The following MRPS28 variants were observed in gnomAD, a reference collection of about 807,000 sequenced individuals.
MRPS28 encodes the protein small ribosomal subunit protein bS1m.
MRPS28 carries 7 observed loss-of-function variants against 10.8 expected under a neutral mutation model. The ratio of observed to expected loss-of-function variants is 0.65; its 90% confidence interval spans 0.37 to 1.22. MRPS28 has a LOEUF of 1.22. Among genes scored for constraint, MRPS28 ranks in the 50% most tolerant of loss-of-function variants. The pLI, the probability that MRPS28 is intolerant of heterozygous loss-of-function variation, is 0.02. For missense variants in MRPS28, 265 were observed against 232.9 expected, an observed-to-expected ratio of 1.14 and a Z score of -0.90; for synonymous variants, 121 against 93.3, an observed-to-expected ratio of 1.30 and a Z score of -1.71.
chr8:79,977,910 T>C (rs1344178467), intron 2 of MRPS28, among the ~76,000 whole-genome samples: 1 of 152,054 alleles, frequency 6.6e-6, no homozygotes, highest in Non-Finnish European at 1.5e-5. Context: ...CCATATTTTA[T>C]ATTTATGATA....
intron 1 of MRPS28, among the ~76,000 whole-genome samples, chr8:80,013,442 C>G (rs1488376676): frequency 6.6e-6 from 1 of 151,780 alleles, no homozygotes; most frequent in Non-Finnish European, 1.5e-5. Flanking sequence ...CGAGAACAGC[C>G]TGACCAACAT....
intron 2 of MRPS28, among the ~76,000 whole-genome samples, chr8:79,952,259 T>C (rs893541706): frequency 6.6e-6 from 1 of 152,184 alleles, no homozygotes; most frequent in Non-Finnish European, 1.5e-5. Context: ...TTTGTTCATA[T>C]CGATTGAGAA....
chr8:79,980,813 A>T (rs1263602503), intron 2 of MRPS28, among the ~76,000 whole-genome samples: 1 of 152,254 alleles, frequency 6.6e-6, no homozygotes, highest in Admixed American at 6.5e-5. Context: ...TCTTAAAGTG[A>T]CTTAAGATTC....
chr8:80,017,879 T>G (rs1586099957), intron 1 of MRPS28, among the ~76,000 whole-genome samples: 1 of 152,194 alleles, frequency 6.6e-6, no homozygotes, highest in Non-Finnish European at 1.5e-5. Context: ...ATAAAAATTA[T>G]ATACCACAAC....
At chr8:79,961,089 C>A (rs1807361899) in intron 2 of MRPS28, among the ~76,000 whole-genome samples, 1 of 151,982 alleles carries the variant, frequency 6.6e-6, no homozygotes, top group East Asian at 1.9e-4. Context: ...ACTACTATAT[C>A]CTGAATAAAA....
In MRPS28 at chr8:79,945,676, C is replaced by T. The variant is rs145507085; in HGVS notation, c.396-26528G>A. Among the ~76,000 whole-genome samples the T allele has an allele frequency of 8.6e-3, 1,310 of 152,214 alleles. 26 individuals carry two copies. Among genetic ancestry groups the T allele is most frequent in the African/African-American group, 0.03 (1,248 of 41,538 alleles). On this transcript the variant is annotated intron_variant, in intron 2 of 2. Coordinates refer to ENST00000276585, the MANE Select transcript of MRPS28 (RefSeq NM_014018.3). ...CACAATAAAAACAATACGTGGCAGA[C>T]ATGTTACAGAAATTAAGTAATATTT...
chr8:80,008,461 G>T lies in MRPS28; in HGVS notation c.214-5281C>A, dbSNP rs1185919237. ...ACTAAAGAGCTTCTGCACAGCCAAA[G>T]AAACTACCATCGGAGTGAACAGGCA... is the stretch of plus-strand genomic sequence containing the variant. On this transcript the variant is annotated intron_variant, in intron 1 of 2. Coordinates refer to ENST00000276585, the MANE Select transcript of MRPS28 (RefSeq NM_014018.3). 2.0e-5 allele frequency among the ~76,000 whole-genome samples: 3 copies of T among 152,194 alleles called. No homozygotes were observed. The East Asian group carries it at 5.8e-4, about 29-fold the overall frequency.
Position 80,027,483 on chromosome 8 carries a change from C to T in MRPS28, c.213+2553G>A, listed in dbSNP as rs55789585. Among the ~76,000 whole-genome samples the T allele has an allele frequency of 6.8e-3, 1,042 of 152,254 alleles. 7 individuals are homozygous for T. Among genetic ancestry groups the T allele is most frequent in the Middle Eastern group, 0.014 (4 of 294 alleles). ...CTGAAGCCACAGTAGAGAGATGCAC[C>T]ATTGTATATTTAATCTTGCAGGCAG... On this transcript the variant is annotated intron_variant, in intron 1 of 2. Coordinates refer to ENST00000276585, the MANE Select transcript of MRPS28 (RefSeq NM_014018.3).
chr8:79,951,138 C>T (rs1807069066), intron 2 of MRPS28, among the ~76,000 whole-genome samples: 1 of 152,162 alleles, frequency 6.6e-6, no homozygotes, highest in South Asian at 2.1e-4. Context: ...TCTGTGGTCA[C>T]TGACTTGAAA....
chr8:79,954,468 C>T (rs546029712), intron 2 of MRPS28, among the ~76,000 whole-genome samples: 10 of 152,110 alleles, frequency 6.6e-5, no homozygotes, highest in Admixed American at 4.6e-4. Context: ...TTGATTAGGG[C>T]TTAGTCTTAC....
intron 2 of MRPS28, among the ~76,000 whole-genome samples, chr8:79,955,625 T>C (rs1451301818): frequency 6.6e-6 from 1 of 152,158 alleles, no homozygotes; most frequent in South Asian, 2.1e-4. Flanking sequence ...CAGTGTCACA[T>C]GTTTTAGGTT....
chr8:79,996,711 CA>C (rs1808509822), intron 2 of MRPS28, among the ~76,000 whole-genome samples: 1 of 152,192 alleles, frequency 6.6e-6, no homozygotes, highest in Admixed American at 6.6e-5. Flanking sequence ...AAAGATATAA[CA>C]GACTACCTAT....
intron 2 of MRPS28, among the ~76,000 whole-genome samples, chr8:79,995,860 T>C (rs1280669360): frequency 1.3e-5 from 2 of 152,054 alleles, no homozygotes; most frequent in East Asian, 3.9e-4. Flanking sequence ...ATCTCCCAAG[T>C]ATAGGCATAC....
chr8:79,927,923 C>A (rs1295608608), intron 2 of MRPS28, among the ~76,000 whole-genome samples: 9 of 152,132 alleles, frequency 5.9e-5, no homozygotes, highest in African/African-American at 2.2e-4. Context: ...CTTTAAATAG[C>A]CTTTTCTGTA....
intron 2 of MRPS28, among the ~76,000 whole-genome samples, chr8:79,960,558 G>A (rs762817941): frequency 6.6e-6 from 1 of 152,100 alleles, no homozygotes; most frequent in African/African-American, 2.4e-5. Context: ...TAATACCAGT[G>A]TATGTACTTA....
chr8:79,967,176 C>T (rs1807524824), intron 2 of MRPS28, among the ~76,000 whole-genome samples: 1 of 152,130 alleles, frequency 6.6e-6, no homozygotes, highest in South Asian at 2.1e-4. Context: ...TGAGTCTTGG[C>T]TCCTAGAAAC....
intron 1 of MRPS28, among the ~76,000 whole-genome samples, chr8:80,008,118 G>GT (rs974251592): frequency 5.3e-5 from 8 of 152,028 alleles, no homozygotes; most frequent in African/African-American, 1.9e-4. Flanking sequence ...AAATAAAGCC[G>GT]TGTATCTACA....
At chr8:80,003,266 G>C in intron 1 of MRPS28, 86 bp from the exon 2 acceptor site, 3 of 1,030,224 alleles carry the variant, frequency 2.9e-6, no homozygotes, top group Non-Finnish European at 4.0e-6. Flanking sequence ...AAAGTCAATT[G>C]TTGTAGCAAT....
At chr8:79,980,108 A>G (rs888254308) in intron 2 of MRPS28, among the ~76,000 whole-genome samples, 13 of 152,172 alleles carry the variant, frequency 8.5e-5, no homozygotes, top group Non-Finnish European at 1.9e-4. Flanking sequence ...TGTCTGACAC[A>G]TAGAAAAGGT....
Sources: gnomAD v4.1 joint callset for allele counts (sites outside exome capture counted in the v4.1 genomes callset) on GRCh38, gnomAD v4.1.1 for gene constraint, MANE v1.5 for transcripts, NCBI Gene and HGNC (gene_info 2026-07-23, HGNC 2026-07-21) for gene names.